Variants in PTPRD observed in about 807,000 individuals in gnomAD.
PTPRD encodes protein tyrosine phosphatase receptor type D.
PTPRD carries 34 observed loss-of-function variants against 214.5 expected under a neutral mutation model. The ratio of observed to expected loss-of-function variants is 0.16; its 90% CI spans 0.12 to 0.21. The LOEUF is 0.21. Among genes scored for constraint, PTPRD ranks in the 10% least tolerant of loss-of-function variants. The pLI, the probability that PTPRD is intolerant of heterozygous loss-of-function variation, is 1.00. For synonymous variants in PTPRD, 1,128 were observed against 845.7 expected, an observed-to-expected ratio of 1.33 and a Z score of -5.79; for missense variants, 2,545 against 2,398.7, an observed-to-expected ratio of 1.06 and a Z score of -1.27.
chr9:8,651,898 T>G (rs1179518929), intron 12 of PTPRD, among the ~76,000 whole-genome samples: 4 of 152,156 alleles, frequency 2.6e-5, no homozygotes, highest in Admixed American at 6.5e-5. Context: ...CTTGAAACAA[T>G]TTTCAGTTGG....
intron 3 of PTPRD, among the ~76,000 whole-genome samples, chr9:10,324,315 T>C (rs2096606150): frequency 6.6e-6 from 1 of 152,078 alleles, no homozygotes; most frequent in Non-Finnish European, 1.5e-5. Context: ...ATATTAATAA[T>C]ACCTTATAAT....
chr9:9,924,681 C>T (rs975448146), intron 5 of PTPRD, among the ~76,000 whole-genome samples: 10 of 152,060 alleles, frequency 6.6e-5, no homozygotes, highest in Admixed American at 5.9e-4. Flanking sequence ...CATCTCCTAT[C>T]ACAAGGAGTT....
chr9:9,344,381 G>A (rs1394651631), intron 9 of PTPRD, among the ~76,000 whole-genome samples: 2 of 151,966 alleles, frequency 1.3e-5, no homozygotes, highest in African/African-American at 4.8e-5. Context: ...AATGCATGCG[G>A]GGCTTAAAAC....
chr9:9,899,753 T>C (rs968198590), intron 5 of PTPRD, among the ~76,000 whole-genome samples: 4 of 152,094 alleles, frequency 2.6e-5, no homozygotes, highest in Non-Finnish European at 2.9e-5. Flanking sequence ...TGCACTTCCA[T>C]TTTGGTTACA....
Position 8,486,082 on chromosome 9 carries a change from G to A in PTPRD, c.2735C>T (p.Ser912Phe), listed in dbSNP as rs2135946702. ...TCCAGTTGGTACTTCTTCTGGAATGGAAATCTCCTTCACCATCTCCTCCCC... is the reference window on the plus strand; with the variant it reads ...TCCAGTTGGTACTTCTTCTGGAATGAAAATCTCCTTCACCATCTCCTCCCC... Reference protein sequence around the residue: ...GFGEEMVKEISIPEEVPTGFP... With the variant: ...GFGEEMVKEIFIPEEVPTGFP... Residue 912 changes from serine to phenylalanine, a missense_variant, in exon 28 of 46, where the codon TCC becomes TTC. Transcript: ENST00000381196. The A allele has an allele frequency of 6.2e-7, 1 of 1,614,152 alleles. No homozygotes were observed. The highest frequency in any genetic ancestry group is 1.1e-5 in the South Asian group (1 of 91,080).
chr9:9,929,083 A>C (rs2085409408), intron 5 of PTPRD, among the ~76,000 whole-genome samples: 1 of 152,148 alleles, frequency 6.6e-6, no homozygotes, highest in South Asian at 2.1e-4. Context: ...TAAGCAATAG[A>C]TACCATATCT....
At chr9:8,845,432 A>C (rs2097671579) in intron 11 of PTPRD, among the ~76,000 whole-genome samples, 1 of 152,200 alleles carries the variant, frequency 6.6e-6, no homozygotes, top group Non-Finnish European at 1.5e-5. Flanking sequence ...CTCTGGCGAT[A>C]TTCAAGACTT....
chr9:9,395,966 T>C (rs907071719), intron 9 of PTPRD, among the ~76,000 whole-genome samples: 25 of 152,220 alleles, frequency 1.6e-4, no homozygotes, highest in African/African-American at 5.3e-4. Flanking sequence ...AATATATTTA[T>C]ATTTTTGTAA....
intron 5 of PTPRD, among the ~76,000 whole-genome samples, chr9:9,776,238 T>C (rs1170828891): frequency 6.6e-6 from 1 of 152,180 alleles, no homozygotes; most frequent in African/African-American, 2.4e-5. Context: ...ACCCTTTTCC[T>C]GTTTATCCTC....
intron 9 of PTPRD, among the ~76,000 whole-genome samples, chr9:9,345,052 G>C (rs115257689): frequency 6.6e-5 from 10 of 152,052 alleles, no homozygotes; most frequent in African/African-American, 2.2e-4. Context: ...TTAAACAACA[G>C]CCTACAAGCA....
At chr9:9,244,417 T>A (rs535508790) in intron 9 of PTPRD, among the ~76,000 whole-genome samples, 18 of 152,194 alleles carry the variant, frequency 1.2e-4, no homozygotes, top group Non-Finnish European at 8.8e-5. Flanking sequence ...CAAAACACCA[T>A]GGTACTGGTA....
At chr9:10,325,322 G>A (rs778113351) in intron 3 of PTPRD, among the ~76,000 whole-genome samples, 1 of 151,930 alleles carries the variant, frequency 6.6e-6, no homozygotes, top group Admixed American at 6.6e-5. Flanking sequence ...TTTTAAAAAC[G>A]TTTTAATGTT....
chr9:8,542,798 A>T (rs2078823362), intron 14 of PTPRD, among the ~76,000 whole-genome samples: 1 of 152,344 alleles, frequency 6.6e-6, no homozygotes, highest in Non-Finnish European at 1.5e-5. Context: ...GCTTCAGCCT[A>T]CACACGTGAG....
rs115606703 is a variant in PTPRD at position 10,023,426 on chromosome 9, T to C, written c.-472+10292A>G. On this transcript the variant is annotated intron_variant, in intron 4 of 45. Transcript: ENST00000381196. ...TGTCCGTCCTTTTGTGAAAACAAAA[T>C]TCAATTCTGCACATGATTTCTTCCA... Among the ~76,000 whole-genome samples, 473 of 152,264 alleles carry C rather than the reference T, an allele frequency of 3.1e-3. 1 individual carries two copies. Among genetic ancestry groups the C allele is most frequent in the African/African-American group, 0.011 (447 of 41,564 alleles).
At chr9:10,473,435 G>C (rs560276457) in intron 2 of PTPRD, among the ~76,000 whole-genome samples, 3 of 152,022 alleles carry the variant, frequency 2.0e-5, no homozygotes, top group African/African-American at 7.2e-5. Flanking sequence ...TGACAATAGT[G>C]AACTTGGAAG....
chr9:9,934,067 A>G (rs1341252065), intron 5 of PTPRD, among the ~76,000 whole-genome samples: 1 of 149,908 alleles, frequency 6.7e-6, no homozygotes, highest in African/African-American at 2.5e-5. Context: ...TCTCTGGGAC[A>G]CATTCAAAGC....
At chr9:9,441,307 G>T (rs185540597) in intron 8 of PTPRD, among the ~76,000 whole-genome samples, 39 of 152,318 alleles carry the variant, frequency 2.6e-4, no homozygotes, top group African/African-American at 9.4e-4. Context: ...AGTTAGGGAA[G>T]AAGGGCTTCT....
At chr9:10,031,548 T>A (rs1481181035) in intron 4 of PTPRD, among the ~76,000 whole-genome samples, 1 of 149,632 alleles carries the variant, frequency 6.7e-6, no homozygotes, top group Non-Finnish European at 1.5e-5. Flanking sequence ...TCGGACTGGC[T>A]CTCCTCCTCC....
intron 20 of PTPRD, among the ~76,000 whole-genome samples, chr9:8,520,715 A>G (rs2097872136): frequency 6.6e-6 from 1 of 152,172 alleles, no homozygotes; most frequent in Admixed American, 6.6e-5. Flanking sequence ...AAAGGAAAGA[A>G]TATTCCTTGA....
Sources: allele counts gnomAD v4.1 joint callset (sites outside exome capture counted in the v4.1 genomes callset), GRCh38; gene constraint gnomAD v4.1.1; transcripts MANE v1.5; gene names NCBI Gene and HGNC (gene_info 2026-07-23, HGNC 2026-07-21).